Variants in CDK19 observed in about 807,000 individuals in gnomAD.
CDK19 encodes cyclin dependent kinase 19.
In CDK19, 20 loss-of-function variants were observed where a neutral mutation model predicts 68.3. That is an observed-to-expected ratio of 0.29 (90% CI 0.21 to 0.43). The LOEUF (loss-of-function observed/expected upper bound fraction) is 0.43. Ranked by LOEUF, CDK19 falls within the 20% of genes least tolerant of loss-of-function variation. The pLI is 1.00. For synonymous variants in CDK19, 221 were observed against 222.8 expected, an observed-to-expected ratio of 0.99 and a Z score of 0.07; for missense variants, 339 against 623.5, an observed-to-expected ratio of 0.54 and a Z score of 4.86.
intron 2 of CDK19, among the ~76,000 whole-genome samples, chr6:110,685,073 GGT>G (rs1261005322): frequency 6.6e-6 from 1 of 152,140 alleles, no homozygotes; most frequent in African/African-American, 2.4e-5. Context: ...AGGAGGCAGA[GGT>G]TGCAGTGAGC....
chr6:110,784,695 C>T (rs1458889037), intron 1 of CDK19, among the ~76,000 whole-genome samples: 3 of 152,036 alleles, frequency 2.0e-5, no homozygotes, highest in East Asian at 3.9e-4. Context: ...AATATTCATA[C>T]CAGCATTAAT....
chr6:110,801,588 T>G (rs974216280), intron 1 of CDK19, among the ~76,000 whole-genome samples: 4 of 152,126 alleles, frequency 2.6e-5, no homozygotes, highest in Admixed American at 2.6e-4. Flanking sequence ...CTCGGCTTAC[T>G]GCAAGCTCCG....
intron 4 of CDK19, among the ~76,000 whole-genome samples, chr6:110,644,117 C>A (rs1780383336): frequency 6.6e-6 from 1 of 151,862 alleles, no homozygotes; most frequent in South Asian, 2.1e-4. Context: ...CATGGTGAAA[C>A]CCTGTCTCTA....
At chr6:110,647,725 G>A (rs137881225) in intron 4 of CDK19, among the ~76,000 whole-genome samples, 4 of 152,230 alleles carry the variant, frequency 2.6e-5, no homozygotes, top group African/African-American at 9.6e-5. Context: ...TCAACAGATT[G>A]TTTCAATATG....
chr6:110,743,819 T>G (rs1777860587), intron 2 of CDK19, among the ~76,000 whole-genome samples: 1 of 152,094 alleles, frequency 6.6e-6, no homozygotes, highest in Admixed American at 6.6e-5. Context: ...ACCTAAAATT[T>G]CAGCTATTTA....
At chr6:110,689,688 C>A (rs1772804822) in intron 2 of CDK19, among the ~76,000 whole-genome samples, 1 of 152,246 alleles carries the variant, frequency 6.6e-6, no homozygotes, top group South Asian at 2.1e-4. Context: ...TCTAAGGAAT[C>A]TCGGAGTCTG....
intron 8 of CDK19, among the ~76,000 whole-genome samples, chr6:110,623,775 T>C (rs12661789): frequency 2.4e-4 from 21 of 87,060 alleles, no homozygotes; most frequent in Admixed American, 2.0e-3. Context: ...CACATATATA[T>C]ACATATATAC....
chr6:110,690,905 A>C (rs1406171646), intron 2 of CDK19, among the ~76,000 whole-genome samples: 4 of 152,254 alleles, frequency 2.6e-5, no homozygotes, highest in African/African-American at 9.6e-5. Flanking sequence ...AAGAATAATT[A>C]GGAAAGATAG....
At chr6:110,643,987 T>A (rs1335556527) in intron 4 of CDK19, among the ~76,000 whole-genome samples, 3 of 151,880 alleles carry the variant, frequency 2.0e-5, no homozygotes, top group Non-Finnish European at 4.4e-5. Flanking sequence ...TATTAAAAAT[T>A]AAACTTTTAA....
chr6:110,647,368 T>C (rs1780669560), intron 4 of CDK19, among the ~76,000 whole-genome samples: 3 of 99,076 alleles, frequency 3.0e-5, no homozygotes, highest in Admixed American at 2.8e-4. Context: ...GTTTTAGAAC[T>C]ACAAAGGAGT....
intron 1 of CDK19, among the ~76,000 whole-genome samples, chr6:110,779,849 C>T (rs1780668702): frequency 6.6e-6 from 1 of 152,150 alleles, no homozygotes; most frequent in African/African-American, 2.4e-5. Flanking sequence ...CTTTGAGAGG[C>T]TGAGGTGGGC....
intron 1 of CDK19, among the ~76,000 whole-genome samples, chr6:110,775,189 G>A (rs1381992914): frequency 6.6e-6 from 1 of 152,124 alleles, no homozygotes; most frequent in African/African-American, 2.4e-5. Flanking sequence ...AGGTTGCAGT[G>A]AGCCAAGATC....
intron 1 of CDK19, among the ~76,000 whole-genome samples, chr6:110,797,938 T>C (rs1782055023): frequency 1.4e-5 from 2 of 140,416 alleles, no homozygotes; most frequent in Non-Finnish European, 3.0e-5. Flanking sequence ...TGAGCCAAGA[T>C]TGCGCCACTG....
chr6:110,750,796 T>TGGAG (rs1464012825), intron 1 of CDK19, among the ~76,000 whole-genome samples: 1 of 152,114 alleles, frequency 6.6e-6, no homozygotes, highest in African/African-American at 2.4e-5. Flanking sequence ...AGGAAAGAAC[T>TGGAG]GGAGGGAGGG....
intron 9 of CDK19, 134 bp from the exon 10 acceptor site, chr6:110,623,046 A>G (rs1364258540): frequency 4.4e-6 from 3 of 687,972 alleles, no homozygotes; most frequent in African/African-American, 3.6e-5. Context: ...TATGCATACT[A>G]CATACTTTTA....
At chr6:110,706,864 C>A in intron 2 of CDK19, 1 of 206,828 alleles carries the variant, frequency 4.8e-6, no homozygotes, top group African/African-American at 2.3e-5. Flanking sequence ...AAAGGAATAA[C>A]TCCACGTTTT....
At chr6:110,622,544 C>T (rs1356320334) in intron 10 of CDK19, among the ~76,000 whole-genome samples, 1 of 152,186 alleles carries the variant, frequency 6.6e-6, no homozygotes, top group Non-Finnish European at 1.5e-5. Flanking sequence ...AATTTCTGAT[C>T]TGGCCAATTG....
chr6:110,689,356 G>A (rs918940850), intron 2 of CDK19, among the ~76,000 whole-genome samples: 1 of 152,032 alleles, frequency 6.6e-6, no homozygotes, highest in Non-Finnish European at 1.5e-5. Flanking sequence ...AAACTTCTGG[G>A]AGCTTTTCGG....
chr6:110,749,106 T>C (rs1401725188), intron 1 of CDK19, among the ~76,000 whole-genome samples: 1 of 152,250 alleles, frequency 6.6e-6, no homozygotes, highest in Non-Finnish European at 1.5e-5. Context: ...AGCAACTGCA[T>C]ATTGAAATTA....
Sources: allele counts gnomAD v4.1 joint callset (sites outside exome capture counted in the v4.1 genomes callset), GRCh38; gene constraint gnomAD v4.1.1; transcripts MANE v1.5; gene names NCBI Gene and HGNC (gene_info 2026-07-23, HGNC 2026-07-21).